The following DENND1B variants were observed in gnomAD, a reference collection of about 807,000 sequenced individuals.
The protein encoded by DENND1B is DENN domain containing 1B.
A neutral mutation model predicts 90.1 loss-of-function variants in DENND1B; 59 were observed. The ratio of observed to expected loss-of-function variants is 0.65; its 90% confidence interval spans 0.53 to 0.81. The LOEUF is 0.81. Among genes scored for constraint, DENND1B ranks in the 40% least tolerant of loss-of-function variants. The pLI is 0.00. For synonymous variants in DENND1B, 337 were observed against 324.6 expected, an observed-to-expected ratio of 1.04 and a Z score of -0.41; for missense variants, 862 against 912.6, an observed-to-expected ratio of 0.94 and a Z score of 0.71.
intron 2 of DENND1B, among the ~76,000 whole-genome samples, chr1:197,749,781 A>G (rs985320873): frequency 3.3e-5 from 5 of 152,090 alleles, no homozygotes; most frequent in Non-Finnish European, 5.9e-5. Context: ...AAAAATAATT[A>G]TGGGGATTCT....
At position 197,523,740 on chromosome 1, in the gene DENND1B, C is replaced by CA. The variant is rs552559792; in HGVS notation, c.1516-10788dup. On this transcript the variant is annotated intron_variant, in intron 20 of 22. Transcript: ENST00000620048. The stretch of plus-strand genomic sequence containing the variant: ...TTTCCGATGGACTCAGCCTCTTATA[C>CA]AAACAGCATGATAGAAGAAGAGCCT... 2.6e-4 allele frequency among the ~76,000 whole-genome samples: 39 copies of CA among 152,272 alleles called. No homozygotes were observed. In the South Asian group the frequency reaches 8.1e-3, roughly 32 times the overall value.
Position 197,645,721 on chromosome 1 carries a change from T to C in DENND1B, c.530A>G (p.Asp177Gly). ...LVPHSYFIAP[D>G]VTGLPTIPES... Reference sequence around the variant, plus strand: ...GGGTATTGTTGGGAGTCCAGTTACATCAGGGGCAATGAAGTAGGAATGCTA... The same window carrying C: ...GGGTATTGTTGGGAGTCCAGTTACACCAGGGGCAATGAAGTAGGAATGCTA... Residue 177 changes from aspartate to glycine, a missense_variant, in exon 9 of 23, where the codon GAT becomes GGT. Transcript: ENST00000620048. 4 of 1,573,986 alleles carry C rather than the reference T, an allele frequency of 2.5e-6. No homozygotes were observed. Among genetic ancestry groups the C allele is most frequent in the Non-Finnish European group, 3.4e-6 (4 of 1,160,262 alleles).
At chr1:197,598,102 T>C (rs1257852557) in intron 13 of DENND1B, among the ~76,000 whole-genome samples, 1 of 151,890 alleles carries the variant, frequency 6.6e-6, no homozygotes, top group Non-Finnish European at 1.5e-5. Flanking sequence ...GAGTATACTA[T>C]CTAATTTCAT....
chr1:197,611,944 G>A lies in DENND1B; in HGVS notation c.806C>T (p.Ser269Phe). 3 of 1,603,756 alleles carry A rather than the reference G, an allele frequency of 1.9e-6. No homozygotes were observed. Among genetic ancestry groups the A allele is most frequent in the Non-Finnish European group, 1.7e-6 (2 of 1,173,106 alleles). ...AAAGATACTCACCTCTATGAGGCTG[G>A]AGTGTATTCCAATCAGGTATGGCAT... ...APMPYLIGIH[S>F]SLIERVKNKS... The change falls in exon 12 of 23, where the codon TCC becomes TTC. Residue 269 changes from serine (S) to phenylalanine (F), a missense_variant. Ser to Phe is a radical substitution (Grantham distance 155). Coordinates refer to ENST00000620048, the MANE Select transcript of DENND1B (RefSeq NM_001195215.2).
At chr1:197,609,997 C>G (rs112883537) in intron 12 of DENND1B, among the ~76,000 whole-genome samples, 11,113 of 150,554 alleles carry the variant, frequency 0.074, 519 homozygotes, top group Non-Finnish European at 0.098. Flanking sequence ...AGTGGCATAA[C>G]AAGAATGAAA....
chr1:197,777,810 A>T (rs1272849990), upstream of DENND1B, among the ~76,000 whole-genome samples: 1 of 152,134 alleles, frequency 6.6e-6, no homozygotes, highest in Non-Finnish European at 1.5e-5. Flanking sequence ...TAATTAATTA[A>T]TTTAGTTAAT....
At chr1:197,705,563 T>G (rs1211720232) in intron 3 of DENND1B, among the ~76,000 whole-genome samples, 1 of 151,480 alleles carries the variant, frequency 6.6e-6, no homozygotes, top group Non-Finnish European at 1.5e-5. Context: ...AAGTACATTA[T>G]CACTCTCATG....
chr1:197,558,848 C>T (rs542669060), intron 15 of DENND1B, among the ~76,000 whole-genome samples: 48 of 151,976 alleles, frequency 3.2e-4, no homozygotes, highest in African/African-American at 8.0e-4. Context: ...AAATATACTT[C>T]AGTAAGTAAT....
chr1:197,766,787 ATTTTTAT>A lies in DENND1B; in HGVS notation c.82+6074_82+6080del, dbSNP rs1330423555. 7.2e-5 allele frequency among the ~76,000 whole-genome samples: 11 copies of A among 152,072 alleles called. No individual in the cohort carries two copies. In the South Asian group the frequency reaches 2.1e-3, roughly 29 times the overall value. Reference sequence around the variant, plus strand: ...CCAAGCATTAAGCTAGATCCAATTTATTTTTATTTTTTATTTTTTAGAGATAGAGTCT... The same window carrying A: ...CCAAGCATTAAGCTAGATCCAATTTATTTTTATTTTTTAGAGATAGAGTCT... On this transcript the variant is annotated intron_variant, in intron 2 of 22. Transcript: ENST00000620048.
chr1:197,747,897 A>C (rs1372327828), intron 2 of DENND1B, among the ~76,000 whole-genome samples: 2 of 152,236 alleles, frequency 1.3e-5, no homozygotes, highest in African/African-American at 2.4e-5. Flanking sequence ...CTTGTGCCAT[A>C]GATAATAAAG....
At chr1:197,679,345 TA>T (rs1438086444) in intron 3 of DENND1B, among the ~76,000 whole-genome samples, 2 of 149,894 alleles carry the variant, frequency 1.3e-5, no homozygotes, top group Admixed American at 6.6e-5. Context: ...AACTGTGGAT[TA>T]AAAATATTTG....
intron 1 of DENND1B, 23 bp from the exon 2 acceptor site, chr1:197,772,955 A>AATTT (rs1327337092): frequency 1.3e-6 from 2 of 1,535,936 alleles, no homozygotes; most frequent in Non-Finnish European, 1.8e-6. Context: ...AGTTTAAATT[A>AATTT]ATTTCCTATG....
At chr1:197,592,727 G>A (rs898050229) in intron 14 of DENND1B, among the ~76,000 whole-genome samples, 1 of 152,140 alleles carries the variant, frequency 6.6e-6, no homozygotes, top group Non-Finnish European at 1.5e-5. Flanking sequence ...GCCTGCCCAT[G>A]GTAAGGGCCT....
intron 10 of DENND1B, among the ~76,000 whole-genome samples, chr1:197,627,817 C>A (rs1012265341): frequency 1.6e-4 from 24 of 152,254 alleles, no homozygotes; most frequent in South Asian, 1.0e-3. Context: ...AGCTGATGAG[C>A]AACTTCAGCA....
chr1:197,654,561 G>A (rs1653602279), intron 6 of DENND1B, among the ~76,000 whole-genome samples: 1 of 151,534 alleles, frequency 6.6e-6, no homozygotes, highest in South Asian at 2.1e-4. Flanking sequence ...AGCGAGCCGA[G>A]ATCGCACCAC....
At chr1:197,608,816 T>A (rs1275697581) in intron 12 of DENND1B, among the ~76,000 whole-genome samples, 1 of 150,528 alleles carries the variant, frequency 6.6e-6, no homozygotes, top group Non-Finnish European at 1.5e-5. Flanking sequence ...CTGCTCTTAG[T>A]TTTAAAAATC....
chr1:197,615,996 A>T (rs535700768), intron 11 of DENND1B, among the ~76,000 whole-genome samples: 1 of 151,032 alleles, frequency 6.6e-6, no homozygotes, highest in South Asian at 2.1e-4. Context: ...AAATTAGTAC[A>T]GAACTGCCTG....
At chr1:197,624,323 G>T (rs1678450969) in intron 10 of DENND1B, among the ~76,000 whole-genome samples, 1 of 151,626 alleles carries the variant, frequency 6.6e-6, no homozygotes, top group Non-Finnish European at 1.5e-5. Flanking sequence ...ATGAATAAAA[G>T]ACAGTCTTAT....
At chr1:197,670,755 G>T (rs538424710) in intron 5 of DENND1B, among the ~76,000 whole-genome samples, 1 of 151,964 alleles carries the variant, frequency 6.6e-6, no homozygotes, top group East Asian at 1.9e-4. Context: ...TAAAATTTCA[G>T]CAGGAAACAA....
Sources: allele counts gnomAD v4.1 joint callset (sites outside exome capture counted in the v4.1 genomes callset), GRCh38; gene constraint gnomAD v4.1.1; transcripts MANE v1.5; gene names NCBI Gene and HGNC (gene_info 2026-07-23, HGNC 2026-07-21).